OR6J1: variants seen among roughly 807,000 people sequenced by gnomAD.
The protein encoded by OR6J1 is olfactory receptor family 6 subfamily J member 1, also known as olfactory receptor 6J1.
For missense variants in OR6J1, 304 were observed against 166.8 expected, an observed-to-expected ratio of 1.82 and a Z score of -4.53; for synonymous variants, 109 against 70.0, an observed-to-expected ratio of 1.56 and a Z score of -2.78.
At chr14:22,635,553 G>A (rs755248743) in intron 1 of OR6J1, among the ~76,000 whole-genome samples, 2 of 152,140 alleles carry the variant, frequency 1.3e-5, no homozygotes, top group Non-Finnish European at 2.9e-5. Context: ...AGAAAGTCAG[G>A]GAAGGAGCTT....
At chr14:22,634,861 C>T (rs1046948887) in intron 1 of OR6J1, 23 bp from the exon 2 acceptor site, 1 of 620,078 alleles carries the variant, frequency 1.6e-6, no homozygotes, top group African/African-American at 1.8e-5. Flanking sequence ...AGGGAGATAA[C>T]ACTTAAGAGA....
chr14:22,637,250 G>C (rs1195551437), intron 1 of OR6J1, among the ~76,000 whole-genome samples: 10 of 79,912 alleles, frequency 1.3e-4, no homozygotes, highest in Non-Finnish European at 2.1e-4. Context: ...GAGCGTCTCC[G>C]CCCGGCAGCC....
chr14:22,636,724 T>TGCCCAGGCTGGAGTGCAGTGGC lies in OR6J1; in HGVS notation c.-27-1908_-27-1887dup, dbSNP rs1308722430. On this transcript the variant is annotated intron_variant, in intron 1 of 1. Coordinates refer to ENST00000540461, the MANE Select transcript of OR6J1 (RefSeq NM_001348233.2). ...GTCTCGTTCACTCAGTGCTCAGTGG[T>TGCCCAGGCTGGAGTGCAGTGGC]GCCCAGGCTGGAGTGCAGTGGCGTG... Among the ~76,000 whole-genome samples, 165 of 116,226 alleles carry TGCCCAGGCTGGAGTGCAGTGGC rather than the reference T, an allele frequency of 1.4e-3. 5 individuals are homozygous for TGCCCAGGCTGGAGTGCAGTGGC. The highest frequency in any genetic ancestry group is 2.4e-3 in the Non-Finnish European group (139 of 59,078). The allele number at this position is 116,226 out of a possible 152,430, so 76.2% of individuals were successfully genotyped here.
intron 1 of OR6J1, among the ~76,000 whole-genome samples, chr14:22,642,739 T>A (rs2037661482): frequency 6.6e-6 from 1 of 152,208 alleles, no homozygotes; most frequent in Non-Finnish European, 1.5e-5. Context: ...TATAAATGAA[T>A]CATACCATAT....
chr14:22,638,112 A>G (rs1203677125), intron 1 of OR6J1, among the ~76,000 whole-genome samples: 3 of 88,564 alleles, frequency 3.4e-5, no homozygotes, highest in Non-Finnish European at 6.5e-5. Flanking sequence ...CTGGGAAGTG[A>G]GGAGCCCCTC....
chr14:22,639,019 C>T (rs1235976403), intron 1 of OR6J1, among the ~76,000 whole-genome samples: 4 of 101,908 alleles, frequency 3.9e-5, no homozygotes, highest in South Asian at 3.0e-4. Context: ...GCCGAGACCC[C>T]GTCTGGGAGG....
intron 1 of OR6J1, among the ~76,000 whole-genome samples, chr14:22,642,557 C>T (rs1420512998): frequency 6.6e-6 from 1 of 151,692 alleles, no homozygotes; most frequent in Non-Finnish European, 1.5e-5. Context: ...TCAGGCTGGT[C>T]TCCAACTCCT....
intron 1 of OR6J1, among the ~76,000 whole-genome samples, chr14:22,638,062 C>T (rs2037608783): frequency 5.6e-5 from 6 of 107,134 alleles, no homozygotes; most frequent in Non-Finnish European, 5.5e-5. Flanking sequence ...CCAGCCGCCC[C>T]ATCCGGGAGG....
At chr14:22,637,759 G>A (rs1356708166) in intron 1 of OR6J1, among the ~76,000 whole-genome samples, 1 of 75,216 alleles carries the variant, frequency 1.3e-5, no homozygotes, top group Non-Finnish European at 2.6e-5. Context: ...CGCCTGGCCA[G>A]CCGCCCCGTT....
chr14:22,639,586 G>T (rs1183662273), intron 1 of OR6J1, among the ~76,000 whole-genome samples: 1 of 127,996 alleles, frequency 7.8e-6, no homozygotes, highest in Non-Finnish European at 1.6e-5. Context: ...GATGGTTGCC[G>T]TGTCTGTGTA....
chr14:22,641,196 G>C lies in OR6J1; in HGVS notation c.-28+2902C>G, dbSNP rs528489764. Reference sequence around the variant, plus strand: ...AGAGAGAGAGAGAAAGAGAGACAGAGAGGGAGAGAAAGATAAGAAAGAAAG... The same window carrying C: ...AGAGAGAGAGAGAAAGAGAGACAGACAGGGAGAGAAAGATAAGAAAGAAAG... On this transcript the variant is annotated intron_variant, in intron 1 of 1. Coordinates refer to ENST00000540461, the MANE Select transcript of OR6J1 (RefSeq NM_001348233.2). 8.2e-5 allele frequency among the ~76,000 whole-genome samples: 4 copies of C among 48,870 alleles called. No homozygotes were observed. In the South Asian group the frequency reaches 2.4e-3, roughly 30 times the overall value. The allele number at this position is 48,870 out of a possible 152,430, so 32.1% of individuals were successfully genotyped here.
intron 1 of OR6J1, among the ~76,000 whole-genome samples, chr14:22,635,761 T>G (rs922623430): frequency 1.3e-5 from 2 of 152,166 alleles, no homozygotes; most frequent in African/African-American, 4.8e-5. Flanking sequence ...GTAAAATTGA[T>G]TCCCAATCTC....
intron 1 of OR6J1, among the ~76,000 whole-genome samples, chr14:22,641,463 A>AG (rs2037651221): frequency 2.2e-5 from 1 of 46,080 alleles, no homozygotes; most frequent in African/African-American, 5.4e-5. Context: ...GAAAGAAAGA[A>AG]AGAAAAAGAA....
intron 1 of OR6J1, among the ~76,000 whole-genome samples, chr14:22,637,583 G>A: frequency 1.8e-5 from 1 of 55,458 alleles, no homozygotes; most frequent in East Asian, 5.9e-4. Flanking sequence ...CGGGAGGGAG[G>A]TGGGGGGGTC....
intron 1 of OR6J1, among the ~76,000 whole-genome samples, chr14:22,640,536 G>C (rs1343065763): frequency 7.0e-6 from 1 of 143,504 alleles, no homozygotes; most frequent in Admixed American, 7.0e-5. Context: ...TGTCACCCAG[G>C]CTGGAGTGCA....
At chr14:22,640,485 ATTTTTT>A (rs1299631664) in intron 1 of OR6J1, among the ~76,000 whole-genome samples, 8 of 118,012 alleles carry the variant, frequency 6.8e-5, no homozygotes, top group African/African-American at 2.4e-4. Flanking sequence ...GTGAGAATGT[ATTTTTT>A]TTTTTTTTTT....
chr14:22,638,666 AAAAAAAAAT>A (rs2139295551), intron 1 of OR6J1, among the ~76,000 whole-genome samples: 1 of 46,180 alleles, frequency 2.2e-5, no homozygotes, highest in Non-Finnish European at 4.0e-5. Flanking sequence ...AATAAAAATA[AAAAAAAAAT>A]AAAAAAAATT....
In OR6J1 at chr14:22,634,151, T is replaced by A. The variant is rs1404777271; in HGVS notation, c.661A>T (p.Ile221Phe). 1 of 703,330 alleles carries A rather than the reference T, an allele frequency of 1.4e-6. No individual in the cohort carries two copies. Among genetic ancestry groups the A allele is most frequent in the Admixed American group, 2.0e-5 (1 of 50,010 alleles). The allele number at this position is 703,330 out of a possible 1,614,324, so 43.6% of individuals were successfully genotyped here. Residue 221 changes from isoleucine (I) to phenylalanine (F), a missense_variant, in exon 2 of 2, where the codon ATC becomes TTC. Coordinates refer to ENST00000540461, the MANE Select transcript of OR6J1 (RefSeq NM_001348233.2). ...GAAGGAATGCGCACTATGGTCAAGA[T>A]GATGTACGTATAGGAATAGGCCACG... ...VLVAYSYTYIILTIVRIPSAS... is the reference protein window; with the variant it reads ...VLVAYSYTYIFLTIVRIPSAS...
At position 22,644,195 on chromosome 14, in the gene OR6J1, AAGCCAC is replaced by A. The variant is rs2037673581; in HGVS notation, c.-131_-126del. On this transcript the variant is annotated 5_prime_UTR_variant, in exon 1 of 2. Coordinates refer to ENST00000540461, the MANE Select transcript of OR6J1 (RefSeq NM_001348233.2). The stretch of plus-strand genomic sequence containing the variant: ...TTCCACGGTAATTATCTTGACCAAA[AAGCCAC>A]AGTGCATTCCACATGAGAGCAGCAG... 2 of 152,272 alleles carry A rather than the reference AAGCCAC, an allele frequency of 1.3e-5. No homozygotes were observed. Among genetic ancestry groups the A allele is most frequent in the Admixed American group, 6.5e-5 (1 of 15,282 alleles). The allele number at this position is 152,272 out of a possible 1,614,324, so 9.4% of individuals were successfully genotyped here.
Sources: gnomAD v4.1 joint callset for allele counts (sites outside exome capture counted in the v4.1 genomes callset) on GRCh38, gnomAD v4.1.1 for gene constraint, MANE v1.5 for transcripts, NCBI Gene and HGNC (gene_info 2026-07-23, HGNC 2026-07-21) for gene names.